TTC28: variants seen among roughly 807,000 people sequenced by gnomAD.
TTC28 encodes the protein tetratricopeptide repeat domain 28.
In TTC28, 61 loss-of-function variants were observed where a neutral mutation model predicts 198.0. The ratio of observed to expected loss-of-function variants is 0.31; its 90% CI spans 0.25 to 0.38. The LOEUF is 0.38. Ranked by LOEUF, TTC28 falls within the 10% of genes least tolerant of loss-of-function variation. The pLI is 1.00. For synonymous variants in TTC28, 1,171 were observed against 1,297.8 expected (o/e 0.90, Z 2.10); for missense variants, 2,678 against 3,164.0 (o/e 0.85, Z 3.69).
chr22:28,251,292 T>C (rs542913497), intron 5 of TTC28, among the ~76,000 whole-genome samples: 1 of 152,216 alleles, frequency 6.6e-6, no homozygotes, highest in Admixed American at 6.5e-5. Flanking sequence ...AGAGCAGGAG[T>C]CAGCCAAATC....
chr22:28,627,034 G>A (rs1193292729), intron 2 of TTC28, among the ~76,000 whole-genome samples: 5 of 152,002 alleles, frequency 3.3e-5, no homozygotes, highest in African/African-American at 1.2e-4. Flanking sequence ...GATCAAAAAA[G>A]GACAAGAATT....
intron 12 of TTC28, among the ~76,000 whole-genome samples, chr22:28,093,643 C>T (rs1201499295): frequency 1.3e-5 from 2 of 152,182 alleles, no homozygotes; most frequent in Non-Finnish European, 1.5e-5. Flanking sequence ...CACCTCACCC[C>T]TCAGGCTCAC....
Position 27,993,276 on chromosome 22 carries a change from C to T in TTC28, c.5476+11G>A. 2.0e-6 allele frequency: 3 copies of T among 1,516,014 alleles called. No individual in the cohort carries two copies. Among genetic ancestry groups the T allele is most frequent in the Non-Finnish European group, 2.7e-6 (3 of 1,131,182 alleles). The allele number at this position is 1,516,014 out of a possible 1,614,324, so 93.9% of individuals were successfully genotyped here. On this transcript the variant is annotated intron_variant, in intron 18 of 22. Transcript: ENST00000397906. ...CAGGCCTGTTGCCCCAGCCCTACAC[C>T]CACAGCTCACCCAGCAGGGACTGGA...
At chr22:28,209,261 T>G (rs1029982597) in intron 5 of TTC28, among the ~76,000 whole-genome samples, 3 of 152,168 alleles carry the variant, frequency 2.0e-5, no homozygotes, top group African/African-American at 7.2e-5. Context: ...TTTCCGCATT[T>G]CCAACTGAGG....
intron 2 of TTC28, among the ~76,000 whole-genome samples, chr22:28,464,872 G>T (rs1168292254): frequency 2.6e-5 from 4 of 152,122 alleles, no homozygotes; most frequent in Admixed American, 6.5e-5. Context: ...TTCCAGAACA[G>T]AAGGAAGCAA....
At chr22:28,658,586 G>A (rs1023315133) in intron 1 of TTC28, among the ~76,000 whole-genome samples, 5 of 152,182 alleles carry the variant, frequency 3.3e-5, no homozygotes, top group South Asian at 2.1e-4. Context: ...TTTACAAGAT[G>A]AAGAGTTATA....
At chr22:28,596,312 T>C (rs1022140895) in intron 2 of TTC28, among the ~76,000 whole-genome samples, 9 of 151,648 alleles carry the variant, frequency 5.9e-5, no homozygotes, top group African/African-American at 2.2e-4. Context: ...AAGCAGTGAG[T>C]GGTAAAAGAT....
At chr22:28,139,961 C>T (rs1249973526) in intron 6 of TTC28, among the ~76,000 whole-genome samples, 2 of 152,140 alleles carry the variant, frequency 1.3e-5, no homozygotes, top group Non-Finnish European at 2.9e-5. Flanking sequence ...GAAAGATCTG[C>T]CATGTGTCAG....
intron 2 of TTC28, among the ~76,000 whole-genome samples, chr22:28,428,639 T>G (rs905927979): frequency 6.7e-6 from 1 of 148,854 alleles, no homozygotes; most frequent in Non-Finnish European, 1.5e-5. Flanking sequence ...TATTTTATTT[T>G]ATTTTATTTT....
intron 1 of TTC28, among the ~76,000 whole-genome samples, chr22:28,648,844 G>A (rs912068201): frequency 6.6e-6 from 1 of 152,142 alleles, no homozygotes; most frequent in African/African-American, 2.4e-5. Context: ...ATGAGGCAGA[G>A]GTTGCAGTGA....
At chr22:28,226,169 G>A (rs1928327161) in intron 5 of TTC28, among the ~76,000 whole-genome samples, 1 of 152,116 alleles carries the variant, frequency 6.6e-6, no homozygotes, top group South Asian at 2.1e-4. Flanking sequence ...GGAGTGAAAC[G>A]GTTCGGTCAT....
intron 3 of TTC28, chr22:28,303,682 T>C (rs569605022): frequency 6.6e-6 from 1 of 152,170 alleles, no homozygotes; most frequent in East Asian, 1.9e-4. Context: ...ACTGTGCAGG[T>C]TATGAGAGTT....
At chr22:28,023,995 A>C (rs560239811) in intron 13 of TTC28, among the ~76,000 whole-genome samples, 1 of 152,294 alleles carries the variant, frequency 6.6e-6, no homozygotes, top group Non-Finnish European at 1.5e-5. Context: ...TGCTGTCATT[A>C]TCATCTTTGT....
At chr22:28,461,352 C>T (rs738627) in intron 2 of TTC28, among the ~76,000 whole-genome samples, 15,168 of 152,238 alleles carry the variant, frequency 0.1, 855 homozygotes, top group African/African-American at 0.12. Context: ...TTCCATTAGA[C>T]CGTATGGTCT....
chr22:28,502,834 T>C (rs527546885), intron 2 of TTC28, among the ~76,000 whole-genome samples: 11 of 152,192 alleles, frequency 7.2e-5, no homozygotes, highest in Admixed American at 3.3e-4. Flanking sequence ...AACAAGCATA[T>C]CCTTGTTTGG....
At chr22:28,496,346 C>T (rs1277617331) in intron 2 of TTC28, among the ~76,000 whole-genome samples, 1 of 152,002 alleles carries the variant, frequency 6.6e-6, no homozygotes, top group East Asian at 1.9e-4. Flanking sequence ...TTAACATGTC[C>T]AAAACCAAGC....
chr22:28,306,999 T>A (rs1022268806), intron 2 of TTC28, among the ~76,000 whole-genome samples: 3 of 152,200 alleles, frequency 2.0e-5, no homozygotes, highest in African/African-American at 7.2e-5. Context: ...TCTCTTTATA[T>A]CTCACCTAAG....
chr22:28,486,167 A>G (rs1004755048), intron 2 of TTC28, among the ~76,000 whole-genome samples: 2 of 152,152 alleles, frequency 1.3e-5, no homozygotes, highest in African/African-American at 4.8e-5. Flanking sequence ...TGTCTTGTCT[A>G]AAGTATACTA....
intron 14 of TTC28, among the ~76,000 whole-genome samples, chr22:28,011,915 C>G (rs1372919546): frequency 6.6e-6 from 1 of 152,160 alleles, no homozygotes; most frequent in Non-Finnish European, 1.5e-5. Flanking sequence ...TCCCCAAACA[C>G]CAATGCAACA....
Sources: gnomAD v4.1 joint callset for allele counts (sites outside exome capture counted in the v4.1 genomes callset) on GRCh38, gnomAD v4.1.1 for gene constraint, MANE v1.5 for transcripts, NCBI Gene and HGNC (gene_info 2026-07-23, HGNC 2026-07-21) for gene names.